Variants in DMRTA2 observed in about 807,000 individuals in gnomAD.
DMRTA2 encodes DMRT like family A2, also known as doublesex- and mab-3-related transcription factor A2.
DMRTA2 carries 10 observed loss-of-function variants against 29.7 expected under a neutral mutation model. That is an observed-to-expected ratio of 0.34 (90% CI 0.21 to 0.57). The LOEUF (loss-of-function observed/expected upper bound fraction) is 0.57. DMRTA2 is among the 20% of genes least tolerant of loss of function. The pLI, the probability that DMRTA2 is intolerant of heterozygous loss-of-function variation, is 0.87. For synonymous variants in DMRTA2, 469 were observed against 402.6 expected (o/e 1.16, Z -1.97); for missense variants, 783 against 812.1 (o/e 0.96, Z 0.44).
Position 50,419,184 on chromosome 1 carries a change from C to A in DMRTA2, c.1110G>T (p.Lys370Asn), listed in dbSNP as rs1453601255. ...AGLGPAAPPD[K>N]AAVGAAAAAD... Reference sequence around the variant, plus strand: ...CAGCTGCTGCAGCACCCACGGCGGCCTTATCTGGGGGCGCCGCAGGGCCCA... The same window carrying A: ...CAGCTGCTGCAGCACCCACGGCGGCATTATCTGGGGGCGCCGCAGGGCCCA... The change falls in exon 3 of 3, where the codon AAG becomes AAT. Residue 370 changes from lysine (K) to asparagine (N), a missense_variant. By Grantham distance (94) the Lys-to-Asn change is moderately conservative (BLOSUM62 0). Transcript: ENST00000404795. The surrounding 1 kb of genome is among the most constrained non-coding windows in gnomAD (Gnocchi z 6.1). 18 of 1,350,674 alleles carry A rather than the reference C, an allele frequency of 1.3e-5. No homozygotes were observed. The highest frequency in any genetic ancestry group is 1.5e-5 in the African/African-American group (1 of 65,610). The allele number at this position is 1,350,674 out of a possible 1,614,324, so 83.7% of individuals were successfully genotyped here.
rs1646016170 is a variant in DMRTA2, at chr1:50,419,210, G to T, written c.1084C>A (p.Leu362Met). The T allele has an allele frequency of 7.0e-7, 1 of 1,438,770 alleles. No individual in the cohort carries two copies. The highest frequency in any genetic ancestry group is 9.1e-7 in the Non-Finnish European group (1 of 1,101,152). 89.1% of individuals were successfully genotyped at this position (1,438,770 alleles called of 1,614,324 possible). The change falls in exon 3 of 3, where the codon CTG (leucine) becomes ATG (methionine). Residue 362 changes from leucine to methionine, a missense_variant. Leu to Met is a conservative substitution (Grantham distance 15). This residue lies in a region of DMRTA2 where 667 missense variants were observed against 624.8 expected (regional missense o/e 1.07). Coordinates refer to ENST00000404795, the MANE Select transcript of DMRTA2 (RefSeq NM_032110.3). This position sits in a 1 kb window ranked among gnomAD's most constrained non-coding sequence, Gnocchi z 6.1. ...TTATCTGGGGGCGCCGCAGGGCCCAGGCCGGCCGCCAGGCCCCCACGGTGG... is the reference window on the plus strand; with the variant it reads ...TTATCTGGGGGCGCCGCAGGGCCCATGCCGGCCGCCAGGCCCCCACGGTGG... ...NHHRGGLAAG[L>M]GPAAPPDKAA...
At position 50,420,521 on chromosome 1, in the gene DMRTA2, A is replaced by AT. The variant is rs770946740; in HGVS notation, c.559+456_559+457insA. 2.6e-5 allele frequency among the ~76,000 whole-genome samples: 4 copies of AT among 152,130 alleles called. No homozygotes were observed. The highest frequency in any genetic ancestry group is 2.9e-5 in the Non-Finnish European group (2 of 68,022). On this transcript the variant is annotated intron_variant, in intron 2 of 2. Coordinates refer to ENST00000404795, the MANE Select transcript of DMRTA2 (RefSeq NM_032110.3). The surrounding 1 kb of genome is among the most constrained non-coding windows in gnomAD (Gnocchi z 4.1). ...GCGTTAGGAACGCGAGAAGGGGAAA[A>AT]GAAACTAGGGCGTCTCAGAACCTAG... is the stretch of plus-strand genomic sequence containing the variant.
At position 50,418,677 on chromosome 1, in the gene DMRTA2, C is replaced by T. The variant is rs1646006758; in HGVS notation, c.1617G>A (p.Pro539=). 1.9e-5 allele frequency: 27 copies of T among 1,407,982 alleles called. No homozygotes were observed. The highest frequency in any genetic ancestry group is 2.5e-5 in the Non-Finnish European group (27 of 1,079,874). 87.2% of individuals were successfully genotyped at this position (1,407,982 alleles called of 1,614,324 possible). ...GLYGPMVNGA[P]EKQ ...CAGGCCCCTCGCCCTACTGCTTCTC[C>T]GGAGCGCCGTTGACCATAGGCCCGT... is the stretch of plus-strand genomic sequence containing the variant. The change falls in exon 3 of 3, where the codon CCG becomes CCA. Residue 539 remains proline (P), a synonymous_variant. Coordinates refer to ENST00000404795, the MANE Select transcript of DMRTA2 (RefSeq NM_032110.3).
In DMRTA2 at chr1:50,418,744, G is replaced by C. The variant is rs778722829; in HGVS notation, c.1550C>G (p.Ala517Gly). ...DLMRDRSAAA[A>G]AAVHKEPTYG... is the part of the protein sequence containing the mutation. ...GGTCGGCTCCTTGTGCACCGCCGCA[G>C]CAGCGGCGGCCGAGCGGTCACGCAT... The change falls in exon 3 of 3, where the codon GCT (alanine) becomes GGT (glycine). Residue 517 changes from alanine (A) to glycine (G), a missense_variant. Coordinates refer to ENST00000404795, the MANE Select transcript of DMRTA2 (RefSeq NM_032110.3). 1.9e-5 allele frequency: 30 copies of C among 1,558,864 alleles called. No individual in the cohort carries two copies. Among genetic ancestry groups the C allele is most frequent in the Admixed American group, 1.9e-4 (10 of 52,272 alleles).
At position 50,418,576 on chromosome 1, in the gene DMRTA2, G is replaced by T; in HGVS notation, c.*89C>A. On this transcript the variant is annotated 3_prime_UTR_variant, in exon 3 of 3. Transcript: ENST00000404795. ...AGAAGACGCCCAGCCAGGGCGCAGA[G>T]AGAGCGCTGGGCGAAGAGGGGTCGA... 2.6e-6 allele frequency: 3 copies of T among 1,152,214 alleles called. No individual in the cohort carries two copies. Among genetic ancestry groups the T allele is most frequent in the Non-Finnish European group, 3.4e-6 (3 of 884,734 alleles). 71.4% of individuals were successfully genotyped at this position (1,152,214 alleles called of 1,614,324 possible). A position where few individuals can be genotyped will look rare whatever the true frequency, so the allele number is the denominator to read the frequency against.
At position 50,419,516 on chromosome 1, in the gene DMRTA2, C is replaced by A. The variant is rs887225392; in HGVS notation, c.778G>T (p.Gly260Cys). 6.3e-7 allele frequency: 1 copy of A among 1,589,222 alleles called. No individual in the cohort carries two copies. Among genetic ancestry groups the A allele is most frequent in the Non-Finnish European group, 8.5e-7 (1 of 1,170,954 alleles). The change falls in exon 3 of 3, where the codon GGT (glycine) becomes TGT (cysteine). Residue 260 changes from glycine to cysteine, a missense_variant. Gly to Cys is a radical substitution (Grantham distance 159). Around this residue, in one of 3 missense-constraint regions of DMRTA2, gnomAD observed 667 missense variants for 624.8 expected, o/e 1.07. Transcript: ENST00000404795. The surrounding 1 kb of genome is among the most constrained non-coding windows in gnomAD (Gnocchi z 6.1). The stretch of plus-strand genomic sequence containing the variant: ...CCAGCGCTGCCTGGGCAGCTGCCAC[C>A]TGCCTCTTTGGAGGCCCGAGCTAGG... ...SPLARASKEA[G>C]GSCPGSAGPG... is the part of the protein sequence containing the mutation.
chr1:50,421,494 T>C lies in DMRTA2; in HGVS notation c.43A>G (p.Thr15Ala), dbSNP rs1646038449. Residue 15 changes from threonine to alanine, a missense_variant, in exon 2 of 3, where the codon ACG becomes GCG. Coordinates refer to ENST00000404795, the MANE Select transcript of DMRTA2 (RefSeq NM_032110.3). This position sits in a 1 kb window ranked among gnomAD's most constrained non-coding sequence, Gnocchi z 8.7. ...CCCGTCGCTGTTGCCGCCGCCGCCG[T>C]CGCCGCGCCGGGCACGCTGGGCAGC... The part of the protein sequence containing the change: ...SELPSVPGAA[T>A]AAAATATGPP... The C allele has an allele frequency of 8.6e-6, 11 of 1,271,940 alleles. No homozygotes were observed. The highest frequency in any genetic ancestry group is 3.1e-5 in the East Asian group (1 of 31,878). 78.8% of individuals were successfully genotyped at this position (1,271,940 alleles called of 1,614,324 possible). A position where few individuals can be genotyped will look rare whatever the true frequency, so the allele number is the denominator to read the frequency against.
chr1:50,421,129 G>T lies in DMRTA2; in HGVS notation c.408C>A (p.Ala136=). 2 of 1,529,040 alleles carry T rather than the reference G, an allele frequency of 1.3e-6. No homozygotes were observed. The highest frequency in any genetic ancestry group is 2.4e-5 in the South Asian group (2 of 82,906). The allele number at this position is 1,529,040 out of a possible 1,614,324, so 94.7% of individuals were successfully genotyped here. Residue 136 remains alanine, a synonymous_variant, in exon 2 of 3, where the codon GCC becomes GCA. Transcript: ENST00000404795. The surrounding 1 kb of genome is among the most constrained non-coding windows in gnomAD (Gnocchi z 8.7). ...ARELQLLYGT[A]EGLALAAANG... ...TGGCGGCGGCCAGCGCCAGCCCCTCGGCAGTGCCGTAGAGCAGCTGCAGCT... is the reference window on the plus strand; with the variant it reads ...TGGCGGCGGCCAGCGCCAGCCCCTCTGCAGTGCCGTAGAGCAGCTGCAGCT...
Position 50,418,487 on chromosome 1 carries a change from TC to T in DMRTA2, c.*177del. ...AACACCTGCACCTGTCTGTAGCTGC[TC>T]CCCCTTTGCTCAGCCTTCCCCACCC... On this transcript the variant is annotated 3_prime_UTR_variant, in exon 3 of 3. Coordinates refer to ENST00000404795, the MANE Select transcript of DMRTA2 (RefSeq NM_032110.3). 1 of 445,420 alleles carries T rather than the reference TC, an allele frequency of 2.2e-6. No homozygotes were observed. Among genetic ancestry groups the T allele is most frequent in the Non-Finnish European group, 3.7e-6 (1 of 269,258 alleles). The allele number at this position is 445,420 out of a possible 1,614,324, so 27.6% of individuals were successfully genotyped here. A position where few individuals can be genotyped will look rare whatever the true frequency, so the allele number is the denominator to read the frequency against.
chr1:50,419,608 G>C lies in DMRTA2; in HGVS notation c.686C>G (p.Ser229Trp). Residue 229 changes from serine to tryptophan, a missense_variant, in exon 3 of 3, where the codon TCG becomes TGG. Ser to Trp is a radical substitution (Grantham distance 177). This residue lies in a region of DMRTA2 where 667 missense variants were observed against 624.8 expected (regional missense o/e 1.07). Coordinates refer to ENST00000404795, the MANE Select transcript of DMRTA2 (RefSeq NM_032110.3). This position sits in a 1 kb window ranked among gnomAD's most constrained non-coding sequence, Gnocchi z 6.1. The stretch of plus-strand genomic sequence containing the variant: ...TGAGCCGGGCCGCACCTCTGGGGAC[G>C]ACGTCCCGGGCCCCGAGTCTGCGCC... ...PDGADSGPGT[S>W]SPEVRPGSGS... 2 of 1,535,616 alleles carry C rather than the reference G, an allele frequency of 1.3e-6. No individual in the cohort carries two copies. Among genetic ancestry groups the C allele is most frequent in the Non-Finnish European group, 1.8e-6 (2 of 1,142,828 alleles).
rs1264174313 is a variant in DMRTA2, at chr1:50,418,913, G to A, written c.1381C>T (p.Leu461Phe). 3.5e-6 allele frequency: 5 copies of A among 1,443,528 alleles called. No homozygotes were observed. The African/African-American group carries it at 6.0e-5, about 17-fold the overall frequency. The allele number at this position is 1,443,528 out of a possible 1,614,324, so 89.4% of individuals were successfully genotyped here. A position where few individuals can be genotyped will look rare whatever the true frequency, so the allele number is the denominator to read the frequency against. Residue 461 changes from leucine to phenylalanine, a missense_variant, in exon 3 of 3, where the codon CTC becomes TTC. This residue lies in a region of DMRTA2 where 667 missense variants were observed against 624.8 expected (regional missense o/e 1.07). Coordinates refer to ENST00000404795, the MANE Select transcript of DMRTA2 (RefSeq NM_032110.3). ...GCCAGGCGCAGGGGGCTGAGGCCGAGCGGCGCGCCCAGCGGGTAGGCGCCC... is the reference window on the plus strand; with the variant it reads ...GCCAGGCGCAGGGGGCTGAGGCCGAACGGCGCGCCCAGCGGGTAGGCGCCC... ...DAGAYPLGAPLGLSPLRLAYS... is the reference protein window; with the variant it reads ...DAGAYPLGAPFGLSPLRLAYS...
chr1:50,421,706 C>T lies in DMRTA2; in HGVS notation c.-8-162G>A, dbSNP rs1646040390. 1.2e-6 allele frequency: 1 copy of T among 801,462 alleles called. No individual in the cohort carries two copies. The highest frequency in any genetic ancestry group is 4.6e-5 in the Admixed American group (1 of 21,914). The allele number at this position is 801,462 out of a possible 1,614,324, so 49.6% of individuals were successfully genotyped here. ...TGCTGGGAGGAGGTGCAGTCGGAAC[C>T]TCCTTGTGAGCCCTAGCACCTTCAC... On this transcript the variant is annotated intron_variant, in intron 1 of 2. Transcript: ENST00000404795. This position sits in a 1 kb window ranked among gnomAD's most constrained non-coding sequence, Gnocchi z 8.7.
Position 50,419,663 on chromosome 1 carries a change from G to T in DMRTA2, c.631C>A (p.Pro211Thr). Reference sequence around the variant, plus strand: ...GGTGATAAGGGCTTCACCGGCGGCGGCAGCGGGCTGCCCGGGCGGCCTGCC... The same window carrying T: ...GGTGATAAGGGCTTCACCGGCGGCGTCAGCGGGCTGCCCGGGCGGCCTGCC... Reference protein sequence around the residue: ...LQAGRPGSPLPPPVKPLSPDG... With the variant: ...LQAGRPGSPLTPPVKPLSPDG... Residue 211 changes from proline to threonine, a missense_variant, in exon 3 of 3, where the codon CCG becomes ACG. Pro to Thr is a conservative substitution (Grantham distance 38). Transcript: ENST00000404795. This position sits in a 1 kb window ranked among gnomAD's most constrained non-coding sequence, Gnocchi z 6.1. 1 of 1,495,388 alleles carries T rather than the reference G, an allele frequency of 6.7e-7. No individual in the cohort carries two copies. 92.6% of individuals were successfully genotyped at this position (1,495,388 alleles called of 1,614,324 possible).
chr1:50,421,548 A>G lies in DMRTA2; in HGVS notation c.-8-4T>C. The G allele has an allele frequency of 1.6e-6, 2 of 1,244,334 alleles. No homozygotes were observed. Among genetic ancestry groups the G allele is most frequent in the Non-Finnish European group, 2.0e-6 (2 of 997,564 alleles). The allele number at this position is 1,244,334 out of a possible 1,614,324, so 77.1% of individuals were successfully genotyped here. ...GAGCGCAGCTCCATGACAGGACCTG[A>G]CGGGAAAGAAGGTGGGAGAGGGGAG... is the stretch of plus-strand genomic sequence containing the variant. On this transcript the variant is annotated splice_region_variant and splice_polypyrimidine_tract_variant and intron_variant, in intron 1 of 2. Coordinates refer to ENST00000404795, the MANE Select transcript of DMRTA2 (RefSeq NM_032110.3). The surrounding 1 kb of genome is among the most constrained non-coding windows in gnomAD (Gnocchi z 8.7).
Position 50,418,915 on chromosome 1 carries a change from G to C in DMRTA2, c.1379C>G (p.Pro460Arg), listed in dbSNP as rs1488000919. Reference sequence around the variant, plus strand: ...CAGGCGCAGGGGGCTGAGGCCGAGCGGCGCGCCCAGCGGGTAGGCGCCCGC... The same window carrying C: ...CAGGCGCAGGGGGCTGAGGCCGAGCCGCGCGCCCAGCGGGTAGGCGCCCGC... ...ADAGAYPLGA[P>R]LGLSPLRLAY... Residue 460 changes from proline (P) to arginine (R), a missense_variant, in exon 3 of 3, where the codon CCG becomes CGG. By Grantham distance (103) the Pro-to-Arg change is moderately radical. This residue lies in a region of DMRTA2 where 667 missense variants were observed against 624.8 expected (regional missense o/e 1.07). Transcript: ENST00000404795. 6.9e-7 allele frequency: 1 copy of C among 1,440,364 alleles called. No individual in the cohort carries two copies. Among genetic ancestry groups the C allele is most frequent in the Non-Finnish European group, 9.1e-7 (1 of 1,103,030 alleles). 89.2% of individuals were successfully genotyped at this position (1,440,364 alleles called of 1,614,324 possible).
chr1:50,418,710 G>A lies in DMRTA2; in HGVS notation c.1584C>T (p.Gly528=). ...CGTTGACCATAGGCCCGTACAGGCC[G>A]CCGCCGTAGGTCGGCTCCTTGTGCA... ...AAVHKEPTYG[G]GLYGPMVNGA... The change falls in exon 3 of 3, where the codon GGC becomes GGT. Residue 528 remains glycine, a synonymous_variant. Coordinates refer to ENST00000404795, the MANE Select transcript of DMRTA2 (RefSeq NM_032110.3). 1.3e-6 allele frequency: 2 copies of A among 1,508,160 alleles called. No individual in the cohort carries two copies. Among genetic ancestry groups the A allele is most frequent in the Non-Finnish European group, 1.8e-6 (2 of 1,133,818 alleles). The allele number at this position is 1,508,160 out of a possible 1,614,324, so 93.4% of individuals were successfully genotyped here.
rs748342066 is a variant in DMRTA2 at position 50,418,079 on chromosome 1, CAAAG to C, written c.*582_*585del. On this transcript the variant is annotated 3_prime_UTR_variant, in exon 3 of 3. Coordinates refer to ENST00000404795, the MANE Select transcript of DMRTA2 (RefSeq NM_032110.3). ...AACCCATGCTTATCGGCATAAGCAA[CAAAG>C]AGAGCGACAAATACCGCAACGAGGA... 1 of 150,094 alleles carries C rather than the reference CAAAG, an allele frequency of 6.7e-6. No individual in the cohort carries two copies. Among genetic ancestry groups the C allele is most frequent in the Non-Finnish European group, 1.5e-5 (1 of 67,816 alleles). 9.3% of individuals were successfully genotyped at this position (150,094 alleles called of 1,614,324 possible). A position where few individuals can be genotyped will look rare whatever the true frequency, so the allele number is the denominator to read the frequency against.
Position 50,419,479 on chromosome 1 carries a change from C to T in DMRTA2, c.815G>A (p.Gly272Asp), listed in dbSNP as rs1646019329. Reference sequence around the variant, plus strand: ...GGAGCCCGGGCTGTCCTCCTCGCCGCCGCCGCCAGGGCCAGCGCTGCCTGG... The same window carrying T: ...GGAGCCCGGGCTGTCCTCCTCGCCGTCGCCGCCAGGGCCAGCGCTGCCTGG... ...SCPGSAGPGG[G>D]GEEDSPGSAS... Residue 272 changes from glycine to aspartate, a missense_variant, in exon 3 of 3, where the codon GGC becomes GAC. This residue lies in a region of DMRTA2 where 667 missense variants were observed against 624.8 expected (regional missense o/e 1.07). Transcript: ENST00000404795. This position sits in a 1 kb window ranked among gnomAD's most constrained non-coding sequence, Gnocchi z 6.1. 1.3e-6 allele frequency: 2 copies of T among 1,595,060 alleles called. No individual in the cohort carries two copies. The highest frequency in any genetic ancestry group is 1.7e-5 in the Admixed American group (1 of 58,646).
rs1289105719 is a variant in DMRTA2, at chr1:50,418,900, G to A, written c.1394C>T (p.Pro465Leu). 1 of 1,457,184 alleles carries A rather than the reference G, an allele frequency of 6.9e-7. No homozygotes were observed. The highest frequency in any genetic ancestry group is 9.0e-7 in the Non-Finnish European group (1 of 1,111,802). The allele number at this position is 1,457,184 out of a possible 1,614,324, so 90.3% of individuals were successfully genotyped here. ...CGCCGCGGAGTAGGCCAGGCGCAGGGGGCTGAGGCCGAGCGGCGCGCCCAG... is the reference window on the plus strand; with the variant it reads ...CGCCGCGGAGTAGGCCAGGCGCAGGAGGCTGAGGCCGAGCGGCGCGCCCAG... ...YPLGAPLGLS[P>L]LRLAYSAAAA... Residue 465 changes from proline (P) to leucine (L), a missense_variant, in exon 3 of 3, where the codon CCC becomes CTC. Physicochemically the swap from Pro to Leu is moderately conservative, Grantham distance 98 (BLOSUM62 -3). Transcript: ENST00000404795.
Sources: gnomAD v4.1 joint callset for allele counts (sites outside exome capture counted in the v4.1 genomes callset) on GRCh38, gnomAD v4.1.1 for gene constraint, gnomAD v4.1.1 regional missense constraint, Gnocchi (gnomAD v3.1) non-coding constraint, MANE v1.5 for transcripts, NCBI Gene and HGNC (gene_info 2026-07-23, HGNC 2026-07-21) for gene names.